Variants in NTN4 observed in about 807,000 individuals in gnomAD.
NTN4 encodes netrin 4, also known as netrin-4.
NTN4 carries 32 observed loss-of-function variants against 73.6 expected under a neutral mutation model. The ratio of observed to expected loss-of-function variants is 0.44; its 90% CI spans 0.33 to 0.58. The LOEUF is 0.58. Ranked by LOEUF, NTN4 falls within the 20% of genes least tolerant of loss-of-function variation. NTN4 has a pLI of 0.04. For synonymous variants in NTN4, 258 were observed against 287.5 expected (o/e 0.90, Z 1.04); for missense variants, 654 against 798.3 (o/e 0.82, Z 2.18).
chr12:95,738,349 G>T (rs2078797501), intron 2 of NTN4, among the ~76,000 whole-genome samples: 1 of 152,202 alleles, frequency 6.6e-6, no homozygotes, highest in African/African-American at 2.4e-5. Flanking sequence ...GTACACAGAA[G>T]TATACATTGA....
chr12:95,752,751 T>C (rs1022012654), intron 2 of NTN4, among the ~76,000 whole-genome samples: 4 of 152,246 alleles, frequency 2.6e-5, no homozygotes, highest in African/African-American at 9.6e-5. Context: ...CCACACCGTG[T>C]AGCCTTTCTG....
At chr12:95,778,409 C>T (rs1420474564) in intron 2 of NTN4, among the ~76,000 whole-genome samples, 4 of 151,668 alleles carry the variant, frequency 2.6e-5, no homozygotes, top group Admixed American at 6.6e-5. Flanking sequence ...ATTGATAGAC[C>T]GCTAGCAAGA....
intron 2 of NTN4, among the ~76,000 whole-genome samples, chr12:95,760,233 C>A (rs536287352): frequency 1.6e-4 from 24 of 152,134 alleles, no homozygotes; most frequent in Non-Finnish European, 3.2e-4. Context: ...TACCAGATGC[C>A]TGTGAATTAT....
intron 5 of NTN4, among the ~76,000 whole-genome samples, chr12:95,688,119 C>A (rs946460868): frequency 2.6e-5 from 4 of 151,982 alleles, no homozygotes; most frequent in African/African-American, 7.3e-5. Flanking sequence ...GGCACGGTTA[C>A]AATTGAATTT....
At chr12:95,738,187 G>A (rs188383406) in intron 2 of NTN4, 43 bp from the exon 3 acceptor site, 13 of 1,539,908 alleles carry the variant, frequency 8.4e-6, no homozygotes, top group African/African-American at 8.2e-5. Flanking sequence ...AGGACTGTGC[G>A]CAAACCCTGA....
chr12:95,678,024 A>G (rs1351991922), intron 7 of NTN4, among the ~76,000 whole-genome samples: 2 of 152,220 alleles, frequency 1.3e-5, no homozygotes, highest in Non-Finnish European at 2.9e-5. Context: ...GGATGAGTTC[A>G]TGTCCTTTGC....
intron 3 of NTN4, among the ~76,000 whole-genome samples, chr12:95,735,791 T>A (rs1473823263): frequency 6.6e-6 from 1 of 152,096 alleles, no homozygotes; most frequent in Admixed American, 6.6e-5. Flanking sequence ...ACTTCTAGAA[T>A]TTTTATCTTC....
At chr12:95,668,420 T>G (rs764836077) in intron 8 of NTN4, among the ~76,000 whole-genome samples, 8 of 152,220 alleles carry the variant, frequency 5.3e-5, no homozygotes, top group African/African-American at 7.2e-5. Context: ...CTCTTAATAG[T>G]CAATGCCATT....
chr12:95,748,472 T>C (rs1195662892), intron 2 of NTN4, among the ~76,000 whole-genome samples: 2 of 119,876 alleles, frequency 1.7e-5, no homozygotes, highest in African/African-American at 6.6e-5. Context: ...ACCTATTTTC[T>C]TTTCTTTTTT....
In NTN4 at chr12:95,696,160, G is replaced by A. The variant is rs192266648; in HGVS notation, c.1181-12449C>T. Among the ~76,000 whole-genome samples the A allele has an allele frequency of 3.3e-3, 507 of 152,048 alleles. 7 individuals are homozygous for A. Among genetic ancestry groups the A allele is most frequent in the Non-Finnish European group, 2.6e-3 (177 of 67,986 alleles). On this transcript the variant is annotated intron_variant, in intron 5 of 9. Transcript: ENST00000343702. The stretch of plus-strand genomic sequence containing the variant: ...AACAAACCTAACTGTGTCTATCTTC[G>A]ATCTCGCCTTTGAACTGATGCGGTT...
intron 8 of NTN4, among the ~76,000 whole-genome samples, chr12:95,669,490 A>C (rs2367559): frequency 0.27 from 40,525 of 152,002 alleles, 5,920 homozygotes; most frequent in Non-Finnish European, 0.31. Flanking sequence ...CCGAGCATCA[A>C]ATATGTGCTA....
Position 95,763,814 on chromosome 12 carries a change from G to A in NTN4, c.585+23125C>T, listed in dbSNP as rs116037945. 5.9e-3 allele frequency among the ~76,000 whole-genome samples: 902 copies of A among 152,296 alleles called. 8 individuals are homozygous for A. The highest frequency in any genetic ancestry group is 0.021 in the African/African-American group (872 of 41,552). On this transcript the variant is annotated intron_variant, in intron 2 of 9. Transcript: ENST00000343702. ...GACCTAGAGTACTTTCAACACAGCT[G>A]TTGGGGAAGAAATGAAGCTGACTGA...
At chr12:95,760,715 G>A (rs948600999) in intron 2 of NTN4, among the ~76,000 whole-genome samples, 23 of 144,084 alleles carry the variant, frequency 1.6e-4, no homozygotes, top group African/African-American at 5.2e-4. Flanking sequence ...TAAGCTGTGT[G>A]TTTGTAGTGG....
chr12:95,745,113 G>T (rs888694758), intron 2 of NTN4, among the ~76,000 whole-genome samples: 1 of 151,890 alleles, frequency 6.6e-6, no homozygotes, highest in Non-Finnish European at 1.5e-5. Context: ...CAATTTGATT[G>T]TTATGTGTTT....
Position 95,738,827 on chromosome 12 carries a change from A to C in NTN4, c.586-683T>G, listed in dbSNP as rs547726750. ...TCAGTGAAATATAACTGTGGGGGAG[A>C]GGGTAATAATTCAGCAGACATTTGG... On this transcript the variant is annotated intron_variant, in intron 2 of 9. Coordinates refer to ENST00000343702, the MANE Select transcript of NTN4 (RefSeq NM_021229.4). Among the ~76,000 whole-genome samples, 28 of 152,208 alleles carry C rather than the reference A, an allele frequency of 1.8e-4. No homozygotes were observed. The East Asian group carries it at 5.4e-3, about 29-fold the overall frequency.
Position 95,658,098 on chromosome 12 carries a change from CAAG to C in NTN4, c.*985_*987del, listed in dbSNP as rs1283100156. The C allele has an allele frequency of 3.3e-5, 5 of 152,248 alleles. No homozygotes were observed. Among genetic ancestry groups the C allele is most frequent in the African/African-American group, 9.7e-5 (4 of 41,388 alleles). The allele number at this position is 152,248 out of a possible 1,614,324, so 9.4% of individuals were successfully genotyped here. A position where few individuals can be genotyped will look rare whatever the true frequency, so the allele number is the denominator to read the frequency against. ...TAATGACTATTACTGTTAAGAAAGA[CAAG>C]GAGGAAAACTGTTTCAATGTTCAGG... On this transcript the variant is annotated 3_prime_UTR_variant, in exon 10 of 10. Transcript: ENST00000343702.
chr12:95,783,367 T>C (rs919299906), intron 2 of NTN4, among the ~76,000 whole-genome samples: 2 of 152,244 alleles, frequency 1.3e-5, no homozygotes, highest in Non-Finnish European at 2.9e-5. Flanking sequence ...ATGTTTCAAT[T>C]TGTTAAACCA....
intron 3 of NTN4, among the ~76,000 whole-genome samples, chr12:95,723,028 T>C (rs1170705106): frequency 2.1e-5 from 3 of 145,312 alleles, no homozygotes; most frequent in Non-Finnish European, 4.5e-5. Context: ...TATAATTGGC[T>C]CAAGAGTATT....
At chr12:95,762,201 C>T (rs943793151) in intron 2 of NTN4, among the ~76,000 whole-genome samples, 8 of 152,098 alleles carry the variant, frequency 5.3e-5, no homozygotes, top group African/African-American at 1.9e-4. Context: ...GAGTCTTTAT[C>T]AGGAGCAACC....
Sources: allele counts gnomAD v4.1 joint callset (sites outside exome capture counted in the v4.1 genomes callset), GRCh38; gene constraint gnomAD v4.1.1; transcripts MANE v1.5; gene names NCBI Gene and HGNC (gene_info 2026-07-23, HGNC 2026-07-21).